CFDP1: variants seen among roughly 807,000 people sequenced by gnomAD.
CFDP1 encodes chromatin remodeling protein CFDP1.
Under a neutral mutation model 40.1 loss-of-function variants are expected in CFDP1, and 31 were observed. That is an observed-to-expected ratio of 0.77 (90% CI 0.58 to 1.04). CFDP1 has a LOEUF of 1.04. Ranked by LOEUF, CFDP1 falls within the 50% of genes least tolerant of loss-of-function variation. The pLI is 0.00. For synonymous variants in CFDP1, 167 were observed against 120.0 expected, an observed-to-expected ratio of 1.39 and a Z score of -2.56; for missense variants, 423 against 343.4, an observed-to-expected ratio of 1.23 and a Z score of -1.83.
At chr16:75,310,105 A>G (rs2151503019) in intron 5 of CFDP1, among the ~76,000 whole-genome samples, 1 of 152,328 alleles carries the variant, frequency 6.6e-6, no homozygotes, top group Admixed American at 6.5e-5. Flanking sequence ...CCAATGTCAC[A>G]ATGACATTGC....
chr16:75,422,396 CTTTTTT>C (rs765465924), intron 1 of CFDP1, among the ~76,000 whole-genome samples: 8 of 129,470 alleles, frequency 6.2e-5, no homozygotes, highest in Non-Finnish European at 1.1e-4. Context: ...CGTATGGCCT[CTTTTTT>C]TTTTTTTTTT....
At chr16:75,314,837 T>C (rs1223047142) in intron 5 of CFDP1, among the ~76,000 whole-genome samples, 1 of 152,116 alleles carries the variant, frequency 6.6e-6, no homozygotes, top group African/African-American at 2.4e-5. Context: ...CTGCCAACGC[T>C]GCCTCCTGGA....
intron 5 of CFDP1, among the ~76,000 whole-genome samples, chr16:75,340,827 C>A (rs2078521735): frequency 6.6e-6 from 1 of 151,994 alleles, no homozygotes; most frequent in Non-Finnish European, 1.5e-5. Context: ...AGGATGAGGT[C>A]AATGCGAGGA....
intron 1 of CFDP1, among the ~76,000 whole-genome samples, chr16:75,429,393 C>G (rs1364044507): frequency 6.6e-6 from 1 of 152,218 alleles, no homozygotes; most frequent in African/African-American, 2.4e-5. Flanking sequence ...GTGGCTCACG[C>G]CTGTAATCCC....
intron 4 of CFDP1, chr16:75,409,286 G>C: frequency 6.6e-6 from 1 of 152,108 alleles, no homozygotes; most frequent in Non-Finnish European, 1.5e-5. Context: ...TTGACCACAT[G>C]CATTGAAATG....
chr16:75,396,213 C>G lies in CFDP1; in HGVS notation c.531-1004G>C, dbSNP rs561829070. ...TTGGGAAATAATGCCTAGGTTGGCA[C>G]TATTTCAAGGAGAAAAACAAGAGTT... On this transcript the variant is annotated intron_variant, in intron 4 of 6. Transcript: ENST00000283882. 1.6e-4 allele frequency among the ~76,000 whole-genome samples: 16 copies of G among 102,702 alleles called. 3 individuals are homozygous for G. The highest frequency in any genetic ancestry group is 4.6e-4 in the African/African-American group (16 of 34,492). 67.4% of individuals were successfully genotyped at this position (102,702 alleles called of 152,430 possible). A position where few individuals can be genotyped will look rare whatever the true frequency, so the allele number is the denominator to read the frequency against.
chr16:75,384,852 C>CAATATATATATATATATATA lies in CFDP1; in HGVS notation c.650+10237_650+10238insTATATATATATATATATATT, dbSNP rs1555561750. Among the ~76,000 whole-genome samples the CAATATATATATATATATATA allele has an allele frequency of 7.5e-5, 9 of 119,954 alleles. 1 individual carries two copies. Among genetic ancestry groups the CAATATATATATATATATATA allele is most frequent in the African/African-American group, 1.1e-4 (3 of 27,958 alleles). 78.7% of individuals were successfully genotyped at this position (119,954 alleles called of 152,430 possible). A position where few individuals can be genotyped will look rare whatever the true frequency, so the allele number is the denominator to read the frequency against. Reference sequence around the variant, plus strand: ...TACAAGTTGCAAGAAGAAACTAAAACTATATATATATATATATATATATAT... The same window carrying CAATATATATATATATATATA: ...TACAAGTTGCAAGAAGAAACTAAAACAATATATATATATATATATATATATATATATATATATATATATAT... On this transcript the variant is annotated intron_variant, in intron 5 of 6. Transcript: ENST00000283882.
intron 5 of CFDP1, among the ~76,000 whole-genome samples, chr16:75,364,799 G>T (rs1162005839): frequency 6.6e-6 from 1 of 152,148 alleles, no homozygotes; most frequent in Non-Finnish European, 1.5e-5. Flanking sequence ...TTCTACTACT[G>T]TAAATATCAA....
At chr16:75,413,866 T>C (rs985590181) in intron 2 of CFDP1, among the ~76,000 whole-genome samples, 13 of 152,172 alleles carry the variant, frequency 8.5e-5, no homozygotes, top group Non-Finnish European at 1.6e-4. Flanking sequence ...ATCTGTATTT[T>C]TAAAATTTAA....
At chr16:75,303,813 C>A (rs2151499868) in intron 6 of CFDP1, among the ~76,000 whole-genome samples, 1 of 152,216 alleles carries the variant, frequency 6.6e-6, no homozygotes, top group Non-Finnish European at 1.5e-5. Flanking sequence ...GTATCGTTAT[C>A]CCAGTTTTAT....
intron 5 of CFDP1, among the ~76,000 whole-genome samples, chr16:75,370,522 G>A (rs1001602913): frequency 2.0e-5 from 3 of 152,136 alleles, no homozygotes; most frequent in Non-Finnish European, 2.9e-5. Flanking sequence ...AAACCTGCAC[G>A]TTGTGCACAT....
At chr16:75,347,762 T>G (rs913536146) in intron 5 of CFDP1, among the ~76,000 whole-genome samples, 1 of 152,224 alleles carries the variant, frequency 6.6e-6, no homozygotes, top group Admixed American at 6.5e-5. Context: ...AAACTCCATC[T>G]TGACCAAATG....
At chr16:75,313,701 A>C (rs2078308479) in intron 5 of CFDP1, among the ~76,000 whole-genome samples, 1 of 152,216 alleles carries the variant, frequency 6.6e-6, no homozygotes, top group Admixed American at 6.5e-5. Flanking sequence ...TTATATGGTG[A>C]AACATGCCTT....
intron 5 of CFDP1, among the ~76,000 whole-genome samples, chr16:75,357,408 C>A (rs571621784): frequency 6.6e-6 from 1 of 152,152 alleles, no homozygotes; most frequent in South Asian, 2.1e-4. Context: ...GTGTGCACCA[C>A]CATGACCAGC....
At chr16:75,331,286 A>G (rs1421069884) in intron 5 of CFDP1, among the ~76,000 whole-genome samples, 1 of 152,066 alleles carries the variant, frequency 6.6e-6, no homozygotes, top group Non-Finnish European at 1.5e-5. Flanking sequence ...TAAAATTTTG[A>G]TTTTTATTTT....
At chr16:75,388,559 T>C (rs966674210) in intron 5 of CFDP1, among the ~76,000 whole-genome samples, 7 of 152,168 alleles carry the variant, frequency 4.6e-5, no homozygotes, top group African/African-American at 1.2e-4. Context: ...AGTGTTACCA[T>C]AGATGAAGAG....
At chr16:75,314,845 G>T (rs1356008995) in intron 5 of CFDP1, among the ~76,000 whole-genome samples, 1 of 152,132 alleles carries the variant, frequency 6.6e-6, no homozygotes, top group Non-Finnish European at 1.5e-5. Flanking sequence ...GCTGCCTCCT[G>T]GATTCAAGCA....
chr16:75,420,187 C>T (rs951122873), intron 1 of CFDP1, among the ~76,000 whole-genome samples: 13 of 148,962 alleles, frequency 8.7e-5, no homozygotes, highest in Admixed American at 7.4e-4. Flanking sequence ...ACAGGGAATA[C>T]TTTTCCAGTT....
chr16:75,335,122 C>A (rs2078477267), intron 5 of CFDP1, among the ~76,000 whole-genome samples: 1 of 152,146 alleles, frequency 6.6e-6, no homozygotes, highest in African/African-American at 2.4e-5. Flanking sequence ...CCTACCTAAT[C>A]CTGTGATCAT....
Sources: allele counts gnomAD v4.1 joint callset (sites outside exome capture counted in the v4.1 genomes callset), GRCh38; gene constraint gnomAD v4.1.1; transcripts MANE v1.5; gene names NCBI Gene and HGNC (gene_info 2026-07-23, HGNC 2026-07-21).